The following MAP2 variants were observed in gnomAD, a reference collection of about 807,000 sequenced individuals.
MAP2 encodes the protein microtubule-associated protein 2.
A neutral mutation model predicts 137.6 loss-of-function variants in MAP2; 14 were observed. That is an observed-to-expected ratio of 0.10 (90% confidence interval 0.07 to 0.16). The LOEUF is 0.16. MAP2 is among the 10% of genes least tolerant of loss of function. The probability of loss-of-function intolerance (pLI) is 1.00; values close to 1 mark genes in which losing one functional copy is unlikely to be tolerated. For synonymous variants in MAP2, 786 were observed against 782.3 expected (o/e 1.00, Z -0.08); for missense variants, 2,088 against 2,191.5 (o/e 0.95, Z 0.94).
In MAP2 at chr2:209,463,103, A is replaced by G. The variant is rs16842912; in HGVS notation, c.-222+38827A>G. Among the ~76,000 whole-genome samples, 1,265 of 152,232 alleles carry G rather than the reference A, an allele frequency of 8.3e-3. 12 individuals are homozygous for G. Among genetic ancestry groups the G allele is most frequent in the African/African-American group, 0.029 (1,185 of 41,534 alleles). On this transcript the variant is annotated intron_variant, in intron 1 of 15. Coordinates refer to ENST00000682079, the MANE Select transcript of MAP2 (RefSeq NM_001375505.1). Reference sequence around the variant, plus strand: ...TTTTATTTATGGATCCTCAGAATCTATCTCATGTGGTTATTGATAAATGTT... The same window carrying G: ...TTTTATTTATGGATCCTCAGAATCTGTCTCATGTGGTTATTGATAAATGTT...
intron 1 of MAP2, among the ~76,000 whole-genome samples, chr2:209,477,128 C>T (rs562346149): frequency 6.6e-6 from 1 of 152,282 alleles, no homozygotes; most frequent in African/African-American, 2.4e-5. Flanking sequence ...AGCCACCTTG[C>T]AGGCCATTGG....
At chr2:209,674,232 T>G (rs1583065151) in intron 5 of MAP2, among the ~76,000 whole-genome samples, 1 of 151,970 alleles carries the variant, frequency 6.6e-6, no homozygotes, top group East Asian at 1.9e-4. Flanking sequence ...CATATCACTA[T>G]TGCTCTTTCT....
intron 2 of MAP2, among the ~76,000 whole-genome samples, chr2:209,525,681 G>C (rs1043897980): frequency 6.6e-6 from 1 of 152,050 alleles, no homozygotes; most frequent in Non-Finnish European, 1.5e-5. Context: ...TTTACCAAAA[G>C]AATCCCAAAG....
chr2:209,720,263 TCTA>T (rs776510167), intron 13 of MAP2, among the ~76,000 whole-genome samples: 5 of 152,092 alleles, frequency 3.3e-5, no homozygotes, highest in East Asian at 1.9e-4. Context: ...ATTTTTCACT[TCTA>T]CTATGAATTA....
intron 5 of MAP2, among the ~76,000 whole-genome samples, chr2:209,673,313 TATA>T (rs761097670): frequency 6.6e-6 from 1 of 151,982 alleles, no homozygotes; most frequent in Non-Finnish European, 1.5e-5. Flanking sequence ...ACAGGCATGT[TATA>T]ATATTTTTTA....
chr2:209,729,887 T>C lies in MAP2; in HGVS notation c.5193T>C (p.Asp1731=). The C allele has an allele frequency of 6.2e-7, 1 of 1,613,792 alleles. No homozygotes were observed. The highest frequency in any genetic ancestry group is 8.5e-7 in the Non-Finnish European group (1 of 1,179,770). Residue 1731 remains aspartate, a synonymous_variant, in exon 15 of 16, where the codon GAT becomes GAC. Transcript: ENST00000682079. Reference sequence around the variant, plus strand: ...TGAAAATTGAGAGTGTAAAACTAGATTTCAAAGAAAAGGCCCAAGCTAAAG... The same window carrying C: ...TGAAAATTGAGAGTGTAAAACTAGACTTCAAAGAAAAGGCCCAAGCTAAAG... ...GRVKIESVKL[D]FKEKAQAKVG...
intron 4 of MAP2, among the ~76,000 whole-genome samples, chr2:209,634,572 A>G (rs1437365767): frequency 6.6e-6 from 1 of 152,160 alleles, no homozygotes; most frequent in East Asian, 1.9e-4. Context: ...TTCACCTGCC[A>G]TTGGTTTGAA....
chr2:209,546,212 T>C (rs1335802528), intron 2 of MAP2, among the ~76,000 whole-genome samples: 1 of 152,176 alleles, frequency 6.6e-6, no homozygotes, highest in Non-Finnish European at 1.5e-5. Context: ...TGGTCACATA[T>C]ATTTTAAATG....
intron 13 of MAP2, 46 bp downstream of exon 13, chr2:209,710,300 C>T (rs1180682374): frequency 7.7e-6 from 11 of 1,430,418 alleles, no homozygotes; most frequent in Non-Finnish European, 6.7e-6. Context: ...ATAATTATTA[C>T]ATTGCCTTCT....
At chr2:209,631,928 A>T (rs946509534) in intron 4 of MAP2, among the ~76,000 whole-genome samples, 1 of 152,174 alleles carries the variant, frequency 6.6e-6, no homozygotes, top group Non-Finnish European at 1.5e-5. Context: ...CAAAAGGGGT[A>T]AATTGAAATA....
intron 3 of MAP2, among the ~76,000 whole-genome samples, chr2:209,621,056 G>A (rs372925989): frequency 7.9e-5 from 12 of 151,628 alleles, no homozygotes; most frequent in Admixed American, 2.6e-4. Context: ...TTAGCTGGGC[G>A]TGGTGGCACA....
rs759084969 is a variant in MAP2, at chr2:209,696,176, G to A, written c.4006G>A (p.Ala1336Thr). The A allele has an allele frequency of 9.3e-6, 15 of 1,612,838 alleles. No individual in the cohort carries two copies. In the Admixed American group the frequency reaches 1.0e-4, roughly 11 times the overall value. The change falls in exon 8 of 16, where the codon GCA becomes ACA. Residue 1336 changes from alanine (A) to threonine (T), a missense_variant. Physicochemically the swap from Ala to Thr is moderately conservative, Grantham distance 58. Coordinates refer to ENST00000682079, the MANE Select transcript of MAP2 (RefSeq NM_001375505.1). ...TGAAGAAGAGTTTGAAGTAGAAGAG[G>A]CAGCTGAAGCCCAGGCAGAACCCAA... The part of the protein sequence containing the change: ...HDEEEFEVEE[A>T]AEAQAEPKDG...
Position 209,560,934 on chromosome 2 carries a change from C to T in MAP2, c.-171-19102C>T, listed in dbSNP as rs181966076. ...AGATTATGATAAATTGGACAGAGGA[C>T]GGAGATGAGTAAATAGATGATGCTT... On this transcript the variant is annotated intron_variant, in intron 2 of 15. Transcript: ENST00000682079. Among the ~76,000 whole-genome samples the T allele has an allele frequency of 4.1e-3, 625 of 152,126 alleles. 3 individuals carry two copies. The highest frequency in any genetic ancestry group is 7.0e-3 in the Non-Finnish European group (475 of 68,000).
chr2:209,711,670 A>G (rs2065525550), intron 13 of MAP2, among the ~76,000 whole-genome samples: 3 of 152,190 alleles, frequency 2.0e-5, no homozygotes, highest in Admixed American at 1.3e-4. Context: ...AAGAGAAGGA[A>G]ATATTTTGAG....
chr2:209,688,093 C>A (rs1392775258), intron 7 of MAP2, among the ~76,000 whole-genome samples: 1 of 152,042 alleles, frequency 6.6e-6, no homozygotes, highest in Non-Finnish European at 1.5e-5. Flanking sequence ...AAGTGAAGTT[C>A]CTATATAAGT....
chr2:209,448,099 TACA>T (rs1411649585), intron 1 of MAP2, among the ~76,000 whole-genome samples: 1 of 152,096 alleles, frequency 6.6e-6, no homozygotes, highest in African/African-American at 2.4e-5. Flanking sequence ...CCATGTAATA[TACA>T]ACAAGTAGAA....
At chr2:209,646,015 G>T (rs1443831890) in intron 4 of MAP2, among the ~76,000 whole-genome samples, 13 of 151,964 alleles carry the variant, frequency 8.6e-5, no homozygotes. Context: ...GCAAAACCTT[G>T]ACTCTCTAAA....
chr2:209,659,911 G>A (rs2042614004), intron 5 of MAP2, among the ~76,000 whole-genome samples: 2 of 152,158 alleles, frequency 1.3e-5, no homozygotes, highest in South Asian at 2.1e-4. Flanking sequence ...GGTGGCGGGC[G>A]CGTGTAGTCC....
intron 2 of MAP2, among the ~76,000 whole-genome samples, chr2:209,516,146 T>C (rs1292237594): frequency 6.6e-6 from 1 of 152,088 alleles, no homozygotes; most frequent in African/African-American, 2.4e-5. Flanking sequence ...TGTTAGTTCT[T>C]AGAAATACAG....
Sources: gnomAD v4.1 joint callset for allele counts (sites outside exome capture counted in the v4.1 genomes callset) on GRCh38, gnomAD v4.1.1 for gene constraint, MANE v1.5 for transcripts, NCBI Gene and HGNC (gene_info 2026-07-23, HGNC 2026-07-21) for gene names.